Variants in SWI5 observed in about 807,000 individuals in gnomAD.
SWI5 encodes DNA repair protein SWI5 homolog.
In SWI5, 12 loss-of-function variants were observed where a neutral mutation model predicts 17.0. The ratio of observed to expected loss-of-function variants is 0.71; its 90% CI spans 0.45 to 1.14. The LOEUF is 1.14. SWI5 is among the 50% of genes most tolerant of loss of function. SWI5 has a pLI of 0.00. For missense variants in SWI5, 158 were observed against 162.2 expected (o/e 0.97, Z 0.14); for synonymous variants, 61 against 64.0 (o/e 0.95, Z 0.22).
At chr9:128,287,330 A>G (rs1831659002) in intron 4 of SWI5, among the ~76,000 whole-genome samples, 1 of 151,002 alleles carries the variant, frequency 6.6e-6, no homozygotes, top group Non-Finnish European at 1.5e-5. Context: ...CTGTAATCCC[A>G]GCTACTCAGG....
At chr9:128,279,276 A>C (rs545777229) in intron 2 of SWI5, among the ~76,000 whole-genome samples, 3 of 152,112 alleles carry the variant, frequency 2.0e-5, no homozygotes, top group Non-Finnish European at 4.4e-5. Flanking sequence ...CGGAGACAAG[A>C]GATTGTAAGA....
At chr9:128,278,617 A>G (rs964480543) in intron 2 of SWI5, 4 of 470,946 alleles carry the variant, frequency 8.5e-6, no homozygotes, top group South Asian at 3.1e-5. Context: ...CTTACTTTAC[A>G]TGCATCATCT....
At chr9:128,284,835 AG>A (rs1426347684) in intron 3 of SWI5, among the ~76,000 whole-genome samples, 3 of 151,936 alleles carry the variant, frequency 2.0e-5, no homozygotes, top group African/African-American at 4.8e-5. Flanking sequence ...ACGCGCATGT[AG>A]TCCCAGCTAC....
At chr9:128,279,388 C>A (rs1339650357) in intron 2 of SWI5, among the ~76,000 whole-genome samples, 1 of 151,916 alleles carries the variant, frequency 6.6e-6, no homozygotes, top group Non-Finnish European at 1.5e-5. Flanking sequence ...TGGCTGGGCA[C>A]GCTGATATTT....
chr9:128,285,970 A>G lies in SWI5; in HGVS notation c.265A>G (p.Ile89Val), dbSNP rs749338568. The change falls in exon 4 of 5, where the codon ATT (isoleucine) becomes GTT (valine). Residue 89 changes from isoleucine (I) to valine (V), a missense_variant. Ile to Val is a conservative substitution (Grantham distance 29, BLOSUM62 3). Coordinates refer to ENST00000418976, the Ensembl canonical transcript of SWI5. This position sits in a 1 kb window ranked among gnomAD's most constrained non-coding sequence, Gnocchi z 4.8. ...CAGTGTGGATGAACTGGAGGACCAC[A>G]TTACCCAGCTTCACGAGTACAATGA... 12 of 1,614,084 alleles carry G rather than the reference A, an allele frequency of 7.4e-6. 1 individual carries two copies. The highest frequency in any genetic ancestry group is 2.7e-5 in the African/African-American group (2 of 75,034).
At chr9:128,287,156 A>T (rs1261146592) in intron 4 of SWI5, among the ~76,000 whole-genome samples, 1 of 150,168 alleles carries the variant, frequency 6.7e-6, no homozygotes, top group Admixed American at 6.6e-5. Flanking sequence ...AAAAAAAAAA[A>T]AAAAAAGGCC....
At chr9:128,287,012 A>G (rs1831650809) in intron 4 of SWI5, among the ~76,000 whole-genome samples, 1 of 151,958 alleles carries the variant, frequency 6.6e-6, no homozygotes, top group African/African-American at 2.4e-5. Flanking sequence ...GCATGGTGGC[A>G]CATGTGTAAT....
Position 128,285,719 on chromosome 9 carries a change from C to T in SWI5, c.234-220C>T, listed in dbSNP as rs1318283885. 3.3e-5 allele frequency among the ~76,000 whole-genome samples: 5 copies of T among 152,158 alleles called. No individual in the cohort carries two copies. Among genetic ancestry groups the T allele is most frequent in the Non-Finnish European group, 7.3e-5 (5 of 68,032 alleles). On this transcript the variant is annotated intron_variant, in intron 3 of 4. Coordinates refer to ENST00000418976, the Ensembl canonical transcript of SWI5. This position sits in a 1 kb window ranked among gnomAD's most constrained non-coding sequence, Gnocchi z 4.8. ...GTACCACTGTGGCTGGCAACCCCAC[C>T]CTAAGGAGACAGGGCACATTTGCCA...
intron 2 of SWI5, among the ~76,000 whole-genome samples, chr9:128,282,536 T>C (rs941173481): frequency 3.9e-5 from 6 of 152,240 alleles, no homozygotes; most frequent in African/African-American, 1.4e-4. Flanking sequence ...TGGAAGCATC[T>C]GGAGGAAGAA....
intron 2 of SWI5, among the ~76,000 whole-genome samples, chr9:128,284,305 A>AG (rs1390219703): frequency 5.3e-5 from 8 of 151,776 alleles, no homozygotes; most frequent in African/African-American, 1.9e-4. Context: ...AAAAAAAAAA[A>AG]AAATCCCAGA....
intron 1 of SWI5, 63 bp downstream of exon 1, chr9:128,276,465 C>T (rs1033990829): frequency 1.3e-6 from 2 of 1,588,276 alleles, no homozygotes; most frequent in Non-Finnish European, 1.7e-6. Context: ...CCCAGACTCT[C>T]CCTTCCCAGA....
chr9:128,275,524 C>T, upstream of SWI5: 1 of 1,301,046 alleles, frequency 7.7e-7, no homozygotes, highest in Non-Finnish European at 9.8e-7. Flanking sequence ...AGCGGGGGGC[C>T]CCGGGAGTCA....
exon 3 of SWI5, chr9:128,284,585 G>A: frequency 6.2e-7 from 1 of 1,614,020 alleles, no homozygotes; most frequent in Non-Finnish European, 8.5e-7. Flanking sequence ...GAAACTGAAG[G>A]AGAAGAGGGA....
rs573810524 is a variant in SWI5 at position 128,283,270 on chromosome 9, C to T, written c.112-1240C>T. Among the ~76,000 whole-genome samples the T allele has an allele frequency of 3.7e-3, 568 of 151,998 alleles. 6 individuals carry two copies. Among genetic ancestry groups the T allele is most frequent in the African/African-American group, 0.013 (544 of 41,434 alleles). ...CTGGGAGGCAGAGGTTGCAGTGAGC[C>T]GAGATTGTGCCATTGCACTCCAGCC... On this transcript the variant is annotated intron_variant, in intron 2 of 4. Transcript: ENST00000418976.
intron 2 of SWI5, among the ~76,000 whole-genome samples, chr9:128,283,609 G>A (rs1160271060): frequency 1.3e-5 from 2 of 152,224 alleles, no homozygotes; most frequent in Non-Finnish European, 2.9e-5. Context: ...AGGCCCATTA[G>A]TTAGGATTGG....
chr9:128,275,474 G>A (rs1472639773), upstream of SWI5: 3 of 1,304,514 alleles, frequency 2.3e-6, no homozygotes, highest in Non-Finnish European at 2.9e-6. Flanking sequence ...AACCCCGGGA[G>A]GTCCGGTTTG....
intron 2 of SWI5, among the ~76,000 whole-genome samples, chr9:128,277,152 T>G (rs1045782364): frequency 6.6e-6 from 1 of 152,108 alleles, no homozygotes; most frequent in Non-Finnish European, 1.5e-5. Flanking sequence ...CTCCTTTCGT[T>G]GCTAATAGTC....
chr9:128,280,242 T>G (rs947016343), intron 2 of SWI5, among the ~76,000 whole-genome samples: 1 of 151,990 alleles, frequency 6.6e-6, no homozygotes, highest in African/African-American at 2.4e-5. Context: ...TGCTCCAAGT[T>G]CTGACTCCCA....
intron 4 of SWI5, among the ~76,000 whole-genome samples, chr9:128,287,213 G>A (rs1050461706): frequency 2.0e-5 from 3 of 150,024 alleles, no homozygotes; most frequent in Non-Finnish European, 2.9e-5. Flanking sequence ...TTGGGAGGCC[G>A]AGGCAGGTGG....
Sources: gnomAD v4.1 joint callset for allele counts (sites outside exome capture counted in the v4.1 genomes callset) on GRCh38, gnomAD v4.1.1 for gene constraint, Gnocchi (gnomAD v3.1) non-coding constraint, MANE v1.5 for transcripts, NCBI Gene and HGNC (gene_info 2026-07-23, HGNC 2026-07-21) for gene names.